DGKB: variants seen among roughly 807,000 people sequenced by gnomAD.
The protein encoded by DGKB is 90 kDa diacylglycerol kinase.
DGKB carries 67 observed loss-of-function variants against 114.3 expected under a neutral mutation model. The observed-to-expected ratio is 0.59, with a 90% CI of 0.48 to 0.72. The LOEUF (loss-of-function observed/expected upper bound fraction) is 0.72, where lower values mean the gene tolerates loss of function less well. DGKB is among the 30% of genes least tolerant of loss of function. The pLI, the probability that DGKB is intolerant of heterozygous loss-of-function variation, is 0.00. For synonymous variants in DGKB, 398 were observed against 323.1 expected (o/e 1.23, Z -2.49); for missense variants, 907 against 975.2 (o/e 0.93, Z 0.93).
intron 5 of DGKB, among the ~76,000 whole-genome samples, chr7:14,733,030 A>C (rs1286806445): frequency 6.6e-6 from 1 of 152,226 alleles, no homozygotes; most frequent in East Asian, 1.9e-4. Flanking sequence ...TTTCTTATTT[A>C]ATTCAATTTA....
intron 23 of DGKB, among the ~76,000 whole-genome samples, chr7:14,231,968 A>G (rs1791936455): frequency 6.6e-6 from 1 of 152,010 alleles, no homozygotes; most frequent in Non-Finnish European, 1.5e-5. Flanking sequence ...AGAGAAGTTG[A>G]TGTGTTTATT....
At chr7:14,276,914 A>G (rs1283524595) in intron 23 of DGKB, among the ~76,000 whole-genome samples, 3 of 151,984 alleles carry the variant, frequency 2.0e-5, no homozygotes, top group African/African-American at 7.2e-5. Flanking sequence ...TATGGGTACA[A>G]TGTGATGATT....
intron 23 of DGKB, among the ~76,000 whole-genome samples, chr7:14,279,160 T>G (rs1018240244): frequency 3.3e-5 from 5 of 152,162 alleles, no homozygotes; most frequent in African/African-American, 9.7e-5. Context: ...ACCCGAATAC[T>G]GCGCTTTTCC....
intron 23 of DGKB, among the ~76,000 whole-genome samples, chr7:14,283,525 T>C (rs993761964): frequency 1.3e-5 from 2 of 149,640 alleles, no homozygotes; most frequent in African/African-American, 5.1e-5. Context: ...TTAAAGTTCA[T>C]ATGGAACCAA....
At chr7:14,182,942 C>A (rs918739900) in intron 23 of DGKB, among the ~76,000 whole-genome samples, 1 of 152,158 alleles carries the variant, frequency 6.6e-6, no homozygotes. Context: ...GTAGTATAAA[C>A]CCCTTTGTGC....
intron 21 of DGKB, among the ~76,000 whole-genome samples, chr7:14,429,504 G>C (rs1828095439): frequency 6.6e-6 from 1 of 152,180 alleles, no homozygotes; most frequent in Non-Finnish European, 1.5e-5. Flanking sequence ...AGCACTCTGA[G>C]CTAAGACATT....
intron 13 of DGKB, among the ~76,000 whole-genome samples, chr7:14,660,700 C>A (rs915242448): frequency 6.6e-6 from 1 of 151,844 alleles, no homozygotes; most frequent in African/African-American, 2.4e-5. Flanking sequence ...TTGGAAAAAA[C>A]TACTTTAAAG....
At chr7:14,705,844 C>A (rs1404944501) in intron 6 of DGKB, among the ~76,000 whole-genome samples, 1 of 151,990 alleles carries the variant, frequency 6.6e-6, no homozygotes, top group Non-Finnish European at 1.5e-5. Flanking sequence ...ACAACCAGTA[C>A]CAGCCACTGC....
chr7:14,713,979 T>C (rs1424611629), intron 6 of DGKB, among the ~76,000 whole-genome samples: 1 of 151,966 alleles, frequency 6.6e-6, no homozygotes. Context: ...TAGTTGATGT[T>C]ATTTTTATAT....
chr7:14,207,063 G>T (rs971028101), intron 23 of DGKB, among the ~76,000 whole-genome samples: 1 of 151,996 alleles, frequency 6.6e-6, no homozygotes, highest in Non-Finnish European at 1.5e-5. Flanking sequence ...AGTTGAAGAG[G>T]TTGATCATGT....
intron 2 of DGKB, among the ~76,000 whole-genome samples, chr7:14,782,277 C>T (rs1839226785): frequency 6.6e-6 from 1 of 152,170 alleles, no homozygotes; most frequent in Admixed American, 6.5e-5. Context: ...CTGCTCTCCT[C>T]AGCCTCTCAA....
intron 17 of DGKB, among the ~76,000 whole-genome samples, chr7:14,605,499 C>G (rs1046198285): frequency 1.3e-5 from 2 of 151,334 alleles, no homozygotes; most frequent in African/African-American, 2.4e-5. Flanking sequence ...ATAATAATTT[C>G]TGAGGAGTAG....
intron 21 of DGKB, among the ~76,000 whole-genome samples, chr7:14,379,043 A>ATTT (rs35165827): frequency 0.04 from 6,002 of 149,628 alleles, 165 homozygotes; most frequent in Non-Finnish European, 0.061. Context: ...AAAAAATCTC[A>ATTT]TTTTTTTTTT....
At chr7:14,289,626 T>A (rs1254673607) in intron 23 of DGKB, among the ~76,000 whole-genome samples, 1 of 151,286 alleles carries the variant, frequency 6.6e-6, no homozygotes, top group South Asian at 2.1e-4. Context: ...TATGCCATAA[T>A]AAAGAAGAAT....
At chr7:14,348,221 T>C (rs1036558607) in intron 21 of DGKB, among the ~76,000 whole-genome samples, 6 of 151,904 alleles carry the variant, frequency 3.9e-5, no homozygotes, top group African/African-American at 1.5e-4. Context: ...TATAATTTTG[T>C]TATTTCAAGA....
At chr7:14,730,696 T>C (rs1830780485) in intron 5 of DGKB, among the ~76,000 whole-genome samples, 1 of 152,118 alleles carries the variant, frequency 6.6e-6, no homozygotes, top group Non-Finnish European at 1.5e-5. Flanking sequence ...TGACTCTGGA[T>C]CCTGGAGTCT....
intron 17 of DGKB, among the ~76,000 whole-genome samples, chr7:14,590,068 C>A (rs561705262): frequency 1.3e-5 from 2 of 150,992 alleles, no homozygotes; most frequent in East Asian, 2.0e-4. Context: ...CTAGATGACA[C>A]GTTAGTGGGT....
intron 21 of DGKB, among the ~76,000 whole-genome samples, chr7:14,356,691 A>T (rs1814609445): frequency 1.3e-5 from 2 of 152,104 alleles, no homozygotes; most frequent in South Asian, 4.2e-4. Context: ...TTATGATGTT[A>T]GGGTGTGGAT....
intron 13 of DGKB, among the ~76,000 whole-genome samples, chr7:14,666,104 T>A (rs1232434320): frequency 6.6e-6 from 1 of 152,006 alleles, no homozygotes; most frequent in Non-Finnish European, 1.5e-5. Context: ...AATTTAATTA[T>A]AAGCTTCTTA....
Sources: allele counts gnomAD v4.1 joint callset (sites outside exome capture counted in the v4.1 genomes callset), GRCh38; gene constraint gnomAD v4.1.1; transcripts MANE v1.5; gene names NCBI Gene and HGNC (gene_info 2026-07-23, HGNC 2026-07-21).